The following ARL15 variants were observed in gnomAD, a reference collection of about 807,000 sequenced individuals.
ARL15 encodes ADP-ribosylation factor-like protein 15.
In ARL15, 19 loss-of-function variants were observed where a neutral mutation model predicts 25.2. That is an observed-to-expected ratio of 0.75 (90% CI 0.53 to 1.10). The LOEUF is 1.10. Ranked by LOEUF, ARL15 falls within the 50% of genes least tolerant of loss-of-function variation. The pLI is 0.00. For synonymous variants in ARL15, 94 were observed against 86.8 expected (o/e 1.08, Z -0.46); for missense variants, 220 against 246.0 (o/e 0.89, Z 0.71).
At chr5:53,996,496 G>A (rs1441221903) in intron 4 of ARL15, among the ~76,000 whole-genome samples, 1 of 151,998 alleles carries the variant, frequency 6.6e-6, no homozygotes, top group African/African-American at 2.4e-5. Flanking sequence ...GTGCACATCT[G>A]TAATCCCAGC....
intron 1 of ARL15, among the ~76,000 whole-genome samples, chr5:54,186,247 G>A (rs761825505): frequency 3.9e-5 from 6 of 152,160 alleles, no homozygotes; most frequent in East Asian, 1.9e-4. Flanking sequence ...GGTCTAGCGC[G>A]GAGAAGCCAA....
intron 1 of ARL15, among the ~76,000 whole-genome samples, chr5:54,307,155 G>C (rs539113821): frequency 8.5e-5 from 13 of 152,204 alleles, no homozygotes; most frequent in Admixed American, 2.6e-4. Context: ...TGCCCTTCTA[G>C]GAAGATTCAC....
intron 4 of ARL15, among the ~76,000 whole-genome samples, chr5:53,931,021 T>G (rs895364228): frequency 1.3e-5 from 2 of 152,178 alleles, no homozygotes; most frequent in Non-Finnish European, 2.9e-5. Context: ...AATTAATGCC[T>G]TCATCAATCA....
At chr5:53,898,801 T>C (rs1328807162) in intron 4 of ARL15, among the ~76,000 whole-genome samples, 4 of 151,658 alleles carry the variant, frequency 2.6e-5, no homozygotes, top group Non-Finnish European at 1.5e-5. Context: ...CACAGGCGTG[T>C]ACCACCATGC....
chr5:54,040,385 A>G (rs1197787652), intron 4 of ARL15, among the ~76,000 whole-genome samples: 2 of 152,202 alleles, frequency 1.3e-5, no homozygotes, highest in Non-Finnish European at 2.9e-5. Flanking sequence ...ATATTTGTTA[A>G]TAAGAGCAAC....
intron 1 of ARL15, among the ~76,000 whole-genome samples, chr5:54,184,439 TAAAAAAAAAAAAAAAAAAAAAAA>T (rs527755025): frequency 1.4e-5 from 1 of 69,110 alleles, no homozygotes; most frequent in East Asian, 1.0e-3. Context: ...ACACTGTCTT[TAAAAAAAAAAAAAAAAAAAAAAA>T]AAAAAAAAGA....
At chr5:54,011,781 C>G (rs187225756) in intron 4 of ARL15, among the ~76,000 whole-genome samples, 1 of 152,040 alleles carries the variant, frequency 6.6e-6, no homozygotes, top group Admixed American at 6.5e-5. Context: ...GAAACCGAGG[C>G]GGGCGGATCT....
intron 4 of ARL15, among the ~76,000 whole-genome samples, chr5:53,931,604 A>T (rs1165036046): frequency 2.6e-5 from 4 of 152,104 alleles, no homozygotes; most frequent in Non-Finnish European, 4.4e-5. Flanking sequence ...ATCCAATCCT[A>T]CCTCTCTCAT....
At chr5:53,945,929 C>T (rs932199966) in intron 4 of ARL15, among the ~76,000 whole-genome samples, 10 of 152,260 alleles carry the variant, frequency 6.6e-5, no homozygotes, top group African/African-American at 2.4e-4. Context: ...CAGACAGCAG[C>T]ACAAGTCAGC....
chr5:53,897,686 A>G (rs1024965125), intron 4 of ARL15, among the ~76,000 whole-genome samples: 1 of 152,204 alleles, frequency 6.6e-6, no homozygotes, highest in African/African-American at 2.4e-5. Flanking sequence ...TTTATCTTAT[A>G]GTATATTAAT....
rs139120462 is a variant in ARL15, at chr5:53,948,434, T to A, written c.463-61721A>T. 3.3e-5 allele frequency among the ~76,000 whole-genome samples: 5 copies of A among 152,316 alleles called. No homozygotes were observed. The East Asian group carries it at 7.7e-4, about 24-fold the overall frequency. ...ATTTGCCCTGATGTCTATTTTGAAG[T>A]GTTATAAATTCGGTATTTGCGTAAC... On this transcript the variant is annotated intron_variant, in intron 4 of 4. Coordinates refer to ENST00000504924, the MANE Select transcript of ARL15 (RefSeq NM_019087.3).
At position 53,914,137 on chromosome 5, in the gene ARL15, C is replaced by CCACACACA. The variant is rs3842045; in HGVS notation, c.463-27432_463-27425dup. Among the ~76,000 whole-genome samples, 809 of 148,664 alleles carry CCACACACA rather than the reference C, an allele frequency of 5.4e-3. 4 individuals are homozygous for CCACACACA. Among genetic ancestry groups the CCACACACA allele is most frequent in the East Asian group, 0.024 (122 of 5,048 alleles). On this transcript the variant is annotated intron_variant, in intron 4 of 4. Transcript: ENST00000504924. ...AAGTGAAATTAGCAAGTGCACAGGC[C>CCACACACA]CACACACACACTCTCACACACACAC... is the stretch of plus-strand genomic sequence containing the variant.
intron 4 of ARL15, among the ~76,000 whole-genome samples, chr5:54,010,503 T>C (rs1211072169): frequency 6.6e-6 from 1 of 152,138 alleles, no homozygotes; most frequent in East Asian, 1.9e-4. Context: ...TCTTTGACCA[T>C]ATCTGGAAGG....
intron 1 of ARL15, among the ~76,000 whole-genome samples, chr5:54,309,013 T>A (rs1047462641): frequency 4.6e-5 from 7 of 152,250 alleles, no homozygotes; most frequent in Admixed American, 1.3e-4. Context: ...AAATTACAAA[T>A]TAAATCAGTT....
intron 4 of ARL15, among the ~76,000 whole-genome samples, chr5:54,009,884 A>G (rs549157842): frequency 2.0e-5 from 3 of 149,746 alleles, no homozygotes; most frequent in Admixed American, 2.0e-4. Flanking sequence ...CTTAACAAAG[A>G]GCAGAATTTA....
At chr5:53,966,750 G>C (rs1295507075) in intron 4 of ARL15, among the ~76,000 whole-genome samples, 1 of 152,206 alleles carries the variant, frequency 6.6e-6, no homozygotes, top group Non-Finnish European at 1.5e-5. Flanking sequence ...AGAAAAGGTG[G>C]TTTGAGAGTT....
At chr5:54,166,187 T>TC (rs533602686) in intron 2 of ARL15, among the ~76,000 whole-genome samples, 43 of 151,992 alleles carry the variant, frequency 2.8e-4, no homozygotes, top group Non-Finnish European at 5.9e-4. Context: ...TTTCTTTCTC[T>TC]CTCTCTCTTT....
chr5:54,060,421 C>T (rs974700699), intron 4 of ARL15, among the ~76,000 whole-genome samples: 7 of 152,244 alleles, frequency 4.6e-5, no homozygotes, highest in South Asian at 2.1e-4. Context: ...GGCTACAGAG[C>T]GAGACACTGT....
chr5:54,126,548 T>C (rs1022280130), intron 3 of ARL15, among the ~76,000 whole-genome samples: 1 of 152,230 alleles, frequency 6.6e-6, no homozygotes, highest in South Asian at 2.1e-4. Flanking sequence ...GATTTGAATG[T>C]GTCCCCCAAA....
Sources: allele counts gnomAD v4.1 joint callset (sites outside exome capture counted in the v4.1 genomes callset), GRCh38; gene constraint gnomAD v4.1.1; transcripts MANE v1.5; gene names NCBI Gene and HGNC (gene_info 2026-07-23, HGNC 2026-07-21).